Variants in FMN1 observed in about 807,000 individuals in gnomAD.
FMN1 encodes the protein formin-1.
Under a neutral mutation model 132.4 loss-of-function variants are expected in FMN1, and 110 were observed. The observed-to-expected ratio is 0.83, with a 90% CI of 0.71 to 0.97. FMN1 has a LOEUF of 0.97. Ranked by LOEUF, FMN1 falls within the 50% of genes least tolerant of loss-of-function variation. FMN1 has a pLI of 0.00. For missense variants in FMN1, 1,792 were observed against 1,705.3 expected (o/e 1.05, Z -0.90); for synonymous variants, 722 against 651.7 (o/e 1.11, Z -1.64).
intron 4 of FMN1, among the ~76,000 whole-genome samples, chr15:33,090,945 G>A (rs916012577): frequency 6.6e-6 from 1 of 151,928 alleles, no homozygotes; most frequent in Non-Finnish European, 1.5e-5. Flanking sequence ...TTCACCTTTG[G>A]CATAAATTTT....
At chr15:33,147,799 C>T (rs978564160) in intron 4 of FMN1, among the ~76,000 whole-genome samples, 7 of 152,148 alleles carry the variant, frequency 4.6e-5, no homozygotes, top group Non-Finnish European at 2.9e-5. Flanking sequence ...ATTTCACATG[C>T]CAATGAGCTA....
chr15:32,926,342 T>C (rs1487850052), intron 9 of FMN1, 81 bp from the exon 10 acceptor site: 2 of 711,098 alleles, frequency 2.8e-6, no homozygotes, highest in African/African-American at 1.8e-5. Context: ...AAACATTAAA[T>C]TTTTTTAGAT....
intron 17 of FMN1, among the ~76,000 whole-genome samples, chr15:32,826,552 C>T (rs1181907751): frequency 1.3e-5 from 2 of 152,170 alleles, no homozygotes; most frequent in Admixed American, 6.5e-5. Flanking sequence ...CCCAGGGAAG[C>T]GCAGACCAAT....
intron 17 of FMN1, among the ~76,000 whole-genome samples, chr15:32,834,462 A>T (rs867691984): frequency 6.6e-6 from 1 of 152,174 alleles, no homozygotes; most frequent in Non-Finnish European, 1.5e-5. Context: ...AGCTGCCTCA[A>T]GGAGGAAAAA....
chr15:33,033,061 C>G lies in FMN1; in HGVS notation c.2162-24986G>C, dbSNP rs138261406. 6.6e-5 allele frequency among the ~76,000 whole-genome samples: 10 copies of G among 152,186 alleles called. No homozygotes were observed. In the East Asian group the frequency reaches 1.9e-3, roughly 29 times the overall value. On this transcript the variant is annotated intron_variant, in intron 6 of 20. Transcript: ENST00000616417. ...TGTTTTTTGTTTTTAAATGGAGTCT[C>G]GCTCTGTCGCCCAGGATGGAGTGCA...
chr15:33,163,800 T>C (rs922363067), intron 3 of FMN1, among the ~76,000 whole-genome samples: 7 of 151,834 alleles, frequency 4.6e-5, no homozygotes, highest in African/African-American at 1.7e-4. Context: ...GTATTTTTGG[T>C]AGAGATGGGG....
At chr15:32,867,026 A>G (rs1351606214) in intron 16 of FMN1, among the ~76,000 whole-genome samples, 1 of 152,164 alleles carries the variant, frequency 6.6e-6, no homozygotes. Flanking sequence ...CCAGGTAAAC[A>G]TTTCAGTAAC....
chr15:33,077,398 G>A (rs1465113359), intron 5 of FMN1, among the ~76,000 whole-genome samples: 2 of 147,636 alleles, frequency 1.4e-5, no homozygotes, highest in African/African-American at 5.0e-5. Context: ...AAGTTCTAGG[G>A]AACATGTGCA....
intron 19 of FMN1, among the ~76,000 whole-genome samples, chr15:32,786,832 T>C (rs765233045): frequency 6.6e-6 from 1 of 152,228 alleles, no homozygotes; most frequent in Non-Finnish European, 1.5e-5. Context: ...CCTGGTGGCC[T>C]GAACATCAGA....
Position 33,062,093 on chromosome 15 carries a change from A to G in FMN1, c.2161+2864T>C, listed in dbSNP as rs1432834157. ...AACAAATGATAAAAAGTAAAATAACAGTTTCAAAAATGGTAATTTTTAGGG... is the reference window on the plus strand; with the variant it reads ...AACAAATGATAAAAAGTAAAATAACGGTTTCAAAAATGGTAATTTTTAGGG... On this transcript the variant is annotated intron_variant, in intron 6 of 20. Transcript: ENST00000616417. Among the ~76,000 whole-genome samples the G allele has an allele frequency of 6.6e-5, 10 of 152,300 alleles. No homozygotes were observed. In the South Asian group the frequency reaches 2.1e-3, roughly 32 times the overall value.
At chr15:32,925,192 A>T (rs1161578028) in intron 10 of FMN1, among the ~76,000 whole-genome samples, 1 of 152,232 alleles carries the variant, frequency 6.6e-6, no homozygotes, top group Non-Finnish European at 1.5e-5. Context: ...AATGAAGGAA[A>T]GTATTCCTCC....
At chr15:33,069,035 T>C (rs914568661) in intron 5 of FMN1, among the ~76,000 whole-genome samples, 13 of 152,184 alleles carry the variant, frequency 8.5e-5, no homozygotes, top group African/African-American at 3.1e-4. Context: ...CCTGCCCTAT[T>C]AGACAAAACA....
chr15:32,957,859 G>C (rs2029993383), intron 9 of FMN1, among the ~76,000 whole-genome samples: 1 of 152,122 alleles, frequency 6.6e-6, no homozygotes, highest in African/African-American at 2.4e-5. Flanking sequence ...AAAAATAAGA[G>C]ATAGTAGCAA....
At chr15:33,014,690 C>G (rs2034936634) in intron 6 of FMN1, among the ~76,000 whole-genome samples, 1 of 152,160 alleles carries the variant, frequency 6.6e-6, no homozygotes, top group Admixed American at 6.5e-5. Flanking sequence ...CTTTCTTAGT[C>G]TAGTATTTAG....
At chr15:32,964,586 G>A (rs1442983877) in intron 8 of FMN1, among the ~76,000 whole-genome samples, 1 of 152,112 alleles carries the variant, frequency 6.6e-6, no homozygotes, top group African/African-American at 2.4e-5. Flanking sequence ...CTCAGCCTGT[G>A]GCATTTCCAT....
intron 8 of FMN1, among the ~76,000 whole-genome samples, chr15:32,967,410 T>C (rs988379680): frequency 6.6e-6 from 1 of 152,196 alleles, no homozygotes; most frequent in African/African-American, 2.4e-5. Context: ...GTGGGAGCTA[T>C]TGCCCTGGAA....
chr15:32,861,882 G>C (rs558005065), intron 16 of FMN1, among the ~76,000 whole-genome samples: 2 of 152,286 alleles, frequency 1.3e-5, no homozygotes, highest in South Asian at 4.1e-4. Flanking sequence ...TCTGAGCTTC[G>C]CGGTTTTGAA....
At chr15:33,150,976 G>T in intron 4 of FMN1, 2 of 1,079,938 alleles carry the variant, frequency 1.9e-6, no homozygotes, top group Non-Finnish European at 2.3e-6. Context: ...GAAGAGAAAT[G>T]AAGTGAAAGA....
intron 7 of FMN1, among the ~76,000 whole-genome samples, chr15:32,998,512 TAA>T (rs1382914364): frequency 2.6e-5 from 4 of 152,092 alleles, no homozygotes; most frequent in Admixed American, 2.6e-4. Context: ...ACCTAATATT[TAA>T]GAGTGATGTG....
Sources: allele counts gnomAD v4.1 joint callset (sites outside exome capture counted in the v4.1 genomes callset), GRCh38; gene constraint gnomAD v4.1.1; transcripts MANE v1.5; gene names NCBI Gene and HGNC (gene_info 2026-07-23, HGNC 2026-07-21).